BTD: variants seen among roughly 807,000 people sequenced by gnomAD.
BTD encodes biocytinase.
A neutral mutation model predicts 17.7 loss-of-function variants in BTD; 13 were observed. That is an observed-to-expected ratio of 0.74 (90% CI 0.48 to 1.17). BTD has a LOEUF of 1.17. Ranked by LOEUF, BTD falls within the 50% of genes most tolerant of loss-of-function variation. The pLI, the probability that BTD is intolerant of heterozygous loss-of-function variation, is 0.00. For missense variants in BTD, 674 were observed against 650.4 expected (o/e 1.04, Z -0.39); for synonymous variants, 240 against 245.2 (o/e 0.98, Z 0.20).
At chr3:15,676,004 A>G (rs763662061) in intron 3 of BTD, 36 of 1,606,434 alleles carry the variant, frequency 2.2e-5, no homozygotes, top group Non-Finnish European at 2.6e-5. Flanking sequence ...GGGAAAAAAC[A>G]TGATACATGT....
intron 3 of BTD, among the ~76,000 whole-genome samples, chr3:15,688,241 T>C (rs1400873062): frequency 6.6e-6 from 1 of 152,230 alleles, no homozygotes; most frequent in African/African-American, 2.4e-5. Context: ...TAGATTAATA[T>C]TTTTAAAATG....
intron 3 of BTD, chr3:15,683,870 T>C (rs765537768): frequency 1.3e-5 from 2 of 152,196 alleles, no homozygotes; most frequent in African/African-American, 2.4e-5. Flanking sequence ...TATAGAAAGA[T>C]AGGAAATCTC....
At chr3:15,683,989 G>T (rs186980211) in intron 3 of BTD, 11 of 152,242 alleles carry the variant, frequency 7.2e-5, no homozygotes, top group Admixed American at 7.2e-4. Flanking sequence ...GCATTTTGAG[G>T]GAAGGTTATT....
chr3:15,641,989 T>A lies in BTD; in HGVS notation c.331T>A (p.Phe111Ile). 1 of 1,614,190 alleles carries A rather than the reference T, an allele frequency of 6.2e-7. No individual in the cohort carries two copies. The highest frequency in any genetic ancestry group is 8.5e-7 in the Non-Finnish European group (1 of 1,180,022). Residue 111 changes from phenylalanine (F) to isoleucine (I), a missense_variant, in exon 3 of 4, where the codon TTC (phenylalanine) becomes ATC (isoleucine). Coordinates refer to ENST00000643237, the MANE Select transcript of BTD (RefSeq NM_001370658.1). The stretch of plus-strand genomic sequence containing the variant: ...AACATCCATTTATCCATTTTTGGAC[T>A]TCATGCCGTCTCCCCAGGTGGTCAG... ...TRTSIYPFLD[F>I]MPSPQVVRWN...
intron 3 of BTD, among the ~76,000 whole-genome samples, chr3:15,643,546 A>G (rs1310163636): frequency 6.6e-6 from 1 of 151,990 alleles, no homozygotes; most frequent in Non-Finnish European, 1.5e-5. Flanking sequence ...TGCCAGTCTT[A>G]TGAAGGTGAG....
intron 3 of BTD, chr3:15,685,980 G>C: frequency 6.3e-7 from 1 of 1,591,302 alleles, no homozygotes; most frequent in Non-Finnish European, 8.6e-7. Flanking sequence ...TTTTTGAAAG[G>C]AAAGAGCATA....
chr3:15,656,140 T>A (rs1409076551), downstream of BTD, among the ~76,000 whole-genome samples: 8 of 152,180 alleles, frequency 5.3e-5, no homozygotes, highest in Non-Finnish European at 1.2e-4. Flanking sequence ...TACAATGAAT[T>A]TCTCTGAGTT....
intron 3 of BTD, chr3:15,686,185 C>T: frequency 6.3e-7 from 1 of 1,590,424 alleles, no homozygotes; most frequent in East Asian, 2.3e-5. Flanking sequence ...TCGAAATACG[C>T]CCTTCTGTGA....
At chr3:15,614,021 A>T (rs1279252656) in intron 1 of BTD, among the ~76,000 whole-genome samples, 1 of 151,160 alleles carries the variant, frequency 6.6e-6, no homozygotes, top group African/African-American at 2.4e-5. Context: ...TCTTGAATCT[A>T]TGGATTTCTG....
intron 3 of BTD, among the ~76,000 whole-genome samples, chr3:15,690,665 A>C (rs547173612): frequency 3.9e-5 from 6 of 152,264 alleles, no homozygotes; most frequent in Admixed American, 1.3e-4. Context: ...TCTGGGCTTA[A>C]GTGATCCTCC....
At chr3:15,710,076 T>A (rs2455831) in exon 4 of BTD, among the ~76,000 whole-genome samples, 77,250 of 150,428 alleles carry the variant, frequency 0.51, 21,195 homozygotes, top group Middle Eastern at 0.62. Context: ...ACTCTATAGT[T>A]TAGGCTAGAG....
At chr3:15,697,883 G>C (rs545190239) in intron 3 of BTD, among the ~76,000 whole-genome samples, 4 of 152,066 alleles carry the variant, frequency 2.6e-5, no homozygotes, top group Non-Finnish European at 5.9e-5. Context: ...TGTTTGGTAG[G>C]CTATTAATTA....
chr3:15,663,022 A>C (rs1345738418), intron 3 of BTD, among the ~76,000 whole-genome samples: 1 of 150,534 alleles, frequency 6.6e-6, no homozygotes, highest in East Asian at 1.9e-4. Flanking sequence ...TTTGAGACGG[A>C]GTTTCGCTCT....
chr3:15,664,192 G>A (rs976879580), intron 3 of BTD, among the ~76,000 whole-genome samples: 9 of 152,192 alleles, frequency 5.9e-5, no homozygotes, highest in Non-Finnish European at 1.2e-4. Flanking sequence ...CTGCCTGCTG[G>A]TTCTGTCCAT....
intron 1 of BTD, among the ~76,000 whole-genome samples, chr3:15,603,384 G>A (rs568765767): frequency 1.1e-4 from 17 of 152,316 alleles, no homozygotes; most frequent in African/African-American, 2.2e-4. Context: ...GTGGCTGGGC[G>A]CAGTGGCTCA....
chr3:15,696,120 T>C (rs1476814929), intron 3 of BTD: 8 of 1,522,722 alleles, frequency 5.3e-6, no homozygotes, highest in Non-Finnish European at 6.3e-6. Flanking sequence ...TTCACAAGAA[T>C]TCAGGAATCT....
At chr3:15,620,055 A>G (rs2064904981) in intron 1 of BTD, among the ~76,000 whole-genome samples, 1 of 152,250 alleles carries the variant, frequency 6.6e-6, no homozygotes. Context: ...ACCACTGATA[A>G]GGGTCCAACA....
At chr3:15,603,722 C>G (rs909898265) in intron 1 of BTD, among the ~76,000 whole-genome samples, 1 of 152,094 alleles carries the variant, frequency 6.6e-6, no homozygotes, top group Non-Finnish European at 1.5e-5. Flanking sequence ...TTCCTAGATA[C>G]AATGGGTGCA....
chr3:15,702,385 G>A (rs2070745300), intron 3 of BTD, among the ~76,000 whole-genome samples: 1 of 151,978 alleles, frequency 6.6e-6, no homozygotes. Flanking sequence ...TCTTTTTTCT[G>A]TTTGCACATT....
Sources: gnomAD v4.1 joint callset for allele counts (sites outside exome capture counted in the v4.1 genomes callset) on GRCh38, gnomAD v4.1.1 for gene constraint, MANE v1.5 for transcripts, NCBI Gene and HGNC (gene_info 2026-07-23, HGNC 2026-07-21) for gene names.